The following PGBD2 variants were observed in gnomAD, a reference collection of about 807,000 sequenced individuals.
PGBD2 encodes the protein piggyBac transposable element derived 2, also known as piggyBac transposable element-derived protein 2.
In PGBD2, 6 loss-of-function variants were observed where a neutral mutation model predicts 8.1. The observed-to-expected ratio is 0.74, with a 90% CI of 0.40 to 1.46. The LOEUF (loss-of-function observed/expected upper bound fraction) is 1.46. Ranked by LOEUF, PGBD2 falls within the 40% of genes most tolerant of loss-of-function variation. The pLI is 0.02. For missense variants in PGBD2, 802 were observed against 739.0 expected, an observed-to-expected ratio of 1.09 and a Z score of -0.99; for synonymous variants, 318 against 272.2, an observed-to-expected ratio of 1.17 and a Z score of -1.66.
At chr1:248,913,731 T>A (rs1661992007) in intron 1 of PGBD2, 85 bp from the exon 2 acceptor site, 3 of 759,528 alleles carry the variant, frequency 3.9e-6, no homozygotes, top group African/African-American at 3.5e-5. Context: ...TCAAATATAT[T>A]TTTCCCTTAA....
At chr1:248,919,941 A>G (rs1462714521), downstream of PGBD2, 1 of 152,490 alleles carries the variant, frequency 6.6e-6, no homozygotes, top group East Asian at 1.9e-4. Flanking sequence ...GTGGTGCGCA[A>G]TCTCGGCTCA....
At chr1:248,930,141 T>C in the PGBD2 span, among the ~76,000 whole-genome samples, 23 of 152,204 alleles carry the variant, frequency 1.5e-4, no homozygotes, top group Admixed American at 1.5e-3. Flanking sequence ...ATCCCTTCCT[T>C]GAGGCTTCGG....
the PGBD2 span, among the ~76,000 whole-genome samples, chr1:248,892,148 A>T: frequency 6.6e-6 from 1 of 152,164 alleles, no homozygotes; most frequent in East Asian, 1.9e-4. Context: ...TAGACAAAGC[A>T]TGGGGAAGTT....
the PGBD2 span, among the ~76,000 whole-genome samples, chr1:248,878,321 G>A: frequency 2.0e-5 from 3 of 151,946 alleles, no homozygotes; most frequent in Admixed American, 6.6e-5. Flanking sequence ...CTGGGACTAC[G>A]GGGCCCGCCA....
chr1:248,892,273 C>CCCTTCCTTCCTTCCTTCCTT, the PGBD2 span, among the ~76,000 whole-genome samples: 40 of 127,348 alleles, frequency 3.1e-4, no homozygotes, highest in African/African-American at 1.2e-3. Flanking sequence ...CTCCCTCCCT[C>CCCTTCCTTCCTTCCTTCCTT]CCTTCCTTCC....
chr1:248,883,892 C>T, the PGBD2 span, among the ~76,000 whole-genome samples: 3 of 152,080 alleles, frequency 2.0e-5, no homozygotes, highest in Admixed American at 6.6e-5. Flanking sequence ...CCACCGTGCC[C>T]GACCCTAGTT....
the PGBD2 span, among the ~76,000 whole-genome samples, chr1:248,873,465 TCC>T: frequency 6.6e-6 from 1 of 152,192 alleles, no homozygotes; most frequent in African/African-American, 2.4e-5. Context: ...AACAAAAGCA[TCC>T]ATTCGTCACT....
the PGBD2 span, among the ~76,000 whole-genome samples, chr1:248,901,187 A>G: frequency 1.3e-5 from 2 of 152,340 alleles, no homozygotes; most frequent in East Asian, 1.9e-4. Context: ...TATAGATTCA[A>G]TGCTATTCCT....
At chr1:248,901,731 C>T (rs6700372), upstream of PGBD2, among the ~76,000 whole-genome samples, 1 of 152,010 alleles carries the variant, frequency 6.6e-6, no homozygotes, top group East Asian at 1.9e-4. Context: ...GAAGTGAAAA[C>T]TGACAAATGG....
At position 248,918,024 on chromosome 1, in the gene PGBD2, G is replaced by A. The variant is rs778363562; in HGVS notation, c.1440G>A (p.Met480Ile). 8.7e-6 allele frequency: 14 copies of A among 1,614,100 alleles called. No homozygotes were observed. The highest frequency in any genetic ancestry group is 1.1e-5 in the Non-Finnish European group (13 of 1,180,042). The stretch of plus-strand genomic sequence containing the variant: ...AGTACAAGGTGAAGATCCGAGGCAT[G>A]AAGTGGTACTCAAGCTTTATTGGCT... ...IAKYKVKIRG[M>I]KWYSSFIGYV... The change falls in exon 3 of 3, where the codon ATG (methionine) becomes ATA (isoleucine). Residue 480 changes from methionine (M) to isoleucine (I), a missense_variant. Met to Ile is a conservative substitution (Grantham distance 10). Transcript: ENST00000329291.
the PGBD2 span, among the ~76,000 whole-genome samples, chr1:248,928,095 T>TA: frequency 6.6e-6 from 1 of 152,168 alleles, no homozygotes; most frequent in African/African-American, 2.4e-5. Context: ...TTGCTTTTTT[T>TA]AAAAAAATTC....
In PGBD2 at chr1:248,916,852, A is replaced by C. The variant is rs1662115503; in HGVS notation, c.268A>C (p.Asn90His). The change falls in exon 3 of 3, where the codon AAT becomes CAT. Residue 90 changes from asparagine to histidine, a missense_variant. Asn to His is a moderately conservative substitution (Grantham distance 68). Transcript: ENST00000329291. ...LCEDSGTGED[N>H]DDLELQPAKK... ...TGAGGACTCTGGCACCGGGGAGGAT[A>C]ATGACGACCTGGAGCTGCAGCCAGC... The C allele has an allele frequency of 6.2e-7, 1 of 1,614,110 alleles. No individual in the cohort carries two copies. The highest frequency in any genetic ancestry group is 8.5e-7 in the Non-Finnish European group (1 of 1,180,008).
chr1:248,896,618 GC>G, the PGBD2 span, among the ~76,000 whole-genome samples: 1 of 152,064 alleles, frequency 6.6e-6, no homozygotes, highest in Non-Finnish European at 1.5e-5. Flanking sequence ...GGCCATCTTG[GC>G]CCCTCCCTCC....
At chr1:248,915,596 G>T (rs568846153) in intron 2 of PGBD2, among the ~76,000 whole-genome samples, 1 of 152,138 alleles carries the variant, frequency 6.6e-6, no homozygotes, top group Non-Finnish European at 1.5e-5. Context: ...TGGGTTTATT[G>T]GGATGTAACC....
chr1:248,909,083 G>A (rs1661769501), intron 1 of PGBD2, among the ~76,000 whole-genome samples: 2 of 152,164 alleles, frequency 1.3e-5, no homozygotes, highest in South Asian at 2.1e-4. Context: ...AAGTGATAGT[G>A]TGGCTGCCTA....
the PGBD2 span, among the ~76,000 whole-genome samples, chr1:248,883,184 C>T: frequency 2.6e-5 from 4 of 152,184 alleles, no homozygotes; most frequent in East Asian, 5.8e-4. Flanking sequence ...AGTGCAATGG[C>T]GGGATCTCGG....
chr1:248,885,896 G>C, the PGBD2 span, among the ~76,000 whole-genome samples: 5 of 152,188 alleles, frequency 3.3e-5, no homozygotes, highest in African/African-American at 1.2e-4. Context: ...CAGGCCTTGA[G>C]ATGGAACTAT....
chr1:248,915,409 A>T (rs773998447), intron 2 of PGBD2, among the ~76,000 whole-genome samples: 11 of 152,366 alleles, frequency 7.2e-5, no homozygotes, highest in Non-Finnish European at 1.5e-4. Flanking sequence ...TCAATAAATT[A>T]TATGAGCTAT....
chr1:248,920,941 T>C (rs975076387), downstream of PGBD2, among the ~76,000 whole-genome samples: 1 of 152,236 alleles, frequency 6.6e-6, no homozygotes, highest in African/African-American at 2.4e-5. Context: ...ATAAATGTCT[T>C]CTTTTGAGAA....
Sources: allele counts gnomAD v4.1 joint callset (sites outside exome capture counted in the v4.1 genomes callset), GRCh38; gene constraint gnomAD v4.1.1; transcripts MANE v1.5; gene names NCBI Gene and HGNC (gene_info 2026-07-23, HGNC 2026-07-21).